KLRG1: variants seen among roughly 807,000 people sequenced by gnomAD.
KLRG1 encodes the protein killer cell lectin like receptor G1, also known as killer cell lectin-like receptor subfamily G member 1.
Under a neutral mutation model 21.8 loss-of-function variants are expected in KLRG1, and 16 were observed. That is an observed-to-expected ratio of 0.73 (90% CI 0.50 to 1.11). The LOEUF is 1.11. Ranked by LOEUF, KLRG1 falls within the 50% of genes most tolerant of loss-of-function variation. KLRG1 has a pLI of 0.00. For synonymous variants in KLRG1, 69 were observed against 75.9 expected, an observed-to-expected ratio of 0.91 and a Z score of 0.47; for missense variants, 173 against 218.3, an observed-to-expected ratio of 0.79 and a Z score of 1.31.
chr12:9,070,220 ATCT>A, the KLRG1 span, among the ~76,000 whole-genome samples: 2 of 152,012 alleles, frequency 1.3e-5, no homozygotes, highest in Non-Finnish European at 1.5e-5. Flanking sequence ...CATATCTTTT[ATCT>A]TCTTAGCAAA....
chr12:9,160,089 A>G, the KLRG1 span: 1 of 1,452,594 alleles, frequency 6.9e-7, no homozygotes, highest in Middle Eastern at 1.8e-4. Context: ...CCATATGTTT[A>G]GGCTCATGCA....
At chr12:9,104,210 T>C in the KLRG1 span, 1 of 1,599,172 alleles carries the variant, frequency 6.3e-7, no homozygotes, top group Non-Finnish European at 8.5e-7. Flanking sequence ...GGCTACTTCA[T>C]GTCATTGGTA....
chr12:9,098,770 A>G, the KLRG1 span: 6 of 1,611,042 alleles, frequency 3.7e-6, no homozygotes, highest in Non-Finnish European at 8.5e-7. Flanking sequence ...TGAAATTGGA[A>G]CAAAAGGTCA....
the KLRG1 span, chr12:9,157,100 GC>G: frequency 2.1e-6 from 3 of 1,414,578 alleles, no homozygotes; most frequent in South Asian, 2.6e-5. Context: ...TCCCAGACAG[GC>G]CCCAATGTGT....
At chr12:9,110,141 T>A in the KLRG1 span, 1 of 1,281,200 alleles carries the variant, frequency 7.8e-7, no homozygotes, top group Non-Finnish European at 1.1e-6. Flanking sequence ...TCAAATGGGG[T>A]AGTAGTAAAG....
chr12:8,994,973 G>T, intron 2 of KLRG1, 146 bp from the exon 3 acceptor site: 2 of 588,292 alleles, frequency 3.4e-6, no homozygotes, highest in South Asian at 3.0e-5. Context: ...TTGACACCAC[G>T]CATTGTTACA....
the KLRG1 span, among the ~76,000 whole-genome samples, chr12:9,028,332 A>C: frequency 6.6e-6 from 1 of 150,546 alleles, no homozygotes; most frequent in Non-Finnish European, 1.5e-5. Flanking sequence ...TTGTGTTTTT[A>C]TAGAGACAGG....
At chr12:9,119,316 G>T in the KLRG1 span, among the ~76,000 whole-genome samples, 3 of 152,150 alleles carry the variant, frequency 2.0e-5, no homozygotes, top group African/African-American at 4.8e-5. Flanking sequence ...TTCATTTGAT[G>T]CCTCATGATA....
At chr12:9,169,717 A>G in the KLRG1 span, 1 of 871,394 alleles carries the variant, frequency 1.1e-6, no homozygotes, top group Non-Finnish European at 1.6e-6. Context: ...TTGGTACCTT[A>G]GAGATAGTTG....
chr12:9,197,464 A>C, the KLRG1 span, among the ~76,000 whole-genome samples: 1 of 131,144 alleles, frequency 7.6e-6, no homozygotes, highest in Non-Finnish European at 1.5e-5. Context: ...ATATATAATA[A>C]TATAATATAT....
the KLRG1 span, among the ~76,000 whole-genome samples, chr12:9,061,437 C>CA: frequency 6.6e-6 from 1 of 151,694 alleles, no homozygotes; most frequent in Admixed American, 6.6e-5. Context: ...TGTGCCTGGC[C>CA]AAAAAATATA....
At chr12:9,164,359 A>T in the KLRG1 span, 2 of 1,316,112 alleles carry the variant, frequency 1.5e-6, no homozygotes, top group Non-Finnish European at 2.1e-6. Context: ...GTAAATTGGG[A>T]TTTGTAAGAA....
chr12:9,074,873 T>C, the KLRG1 span: 2 of 1,289,160 alleles, frequency 1.6e-6, no homozygotes, highest in Non-Finnish European at 2.2e-6. Context: ...GAAATGAGAA[T>C]TGCATGCCCA....
the KLRG1 span, chr12:9,200,231 G>C: frequency 1.9e-6 from 1 of 521,832 alleles, no homozygotes; most frequent in South Asian, 3.8e-5. Context: ...ATAGTAAGTC[G>C]TTAAATAAAG....
chr12:9,090,481 A>C, the KLRG1 span: 2 of 1,613,568 alleles, frequency 1.2e-6, no homozygotes, highest in African/African-American at 1.3e-5. Context: ...CTGCACACTG[A>C]CCTGAAACCA....
downstream of KLRG1, among the ~76,000 whole-genome samples, chr12:9,011,571 A>G (rs1947632547): frequency 6.6e-6 from 1 of 152,214 alleles, no homozygotes. Flanking sequence ...GAGGTGGAGC[A>G]AGAACAAGAA....
At chr12:9,158,429 A>G in the KLRG1 span, 4,905 of 1,613,942 alleles carry the variant, frequency 3.0e-3, 134 homozygotes, top group African/African-American at 0.058. Flanking sequence ...CCTTTATGGC[A>G]TTGTTGAGCA....
chr12:8,993,359 GCTCACTGCAACCTCTGCCT>G (rs920959932), intron 2 of KLRG1, among the ~76,000 whole-genome samples: 1 of 152,056 alleles, frequency 6.6e-6, no homozygotes, highest in Non-Finnish European at 1.5e-5. Flanking sequence ...CGTGATCTCG[GCTCACTGCAACCTCTGCCT>G]CCCAGGTTCA....
the KLRG1 span, chr12:9,196,987 C>G: frequency 1.0e-5 from 15 of 1,486,848 alleles, no homozygotes; most frequent in Non-Finnish European, 1.3e-5. Flanking sequence ...AGTGATAGCA[C>G]TGAGGGAGAA....
Sources: gnomAD v4.1 joint callset for allele counts (sites outside exome capture counted in the v4.1 genomes callset) on GRCh38, gnomAD v4.1.1 for gene constraint, MANE v1.5 for transcripts, NCBI Gene and HGNC (gene_info 2026-07-23, HGNC 2026-07-21) for gene names.